Variants in IQGAP2 observed in about 807,000 individuals in gnomAD.
IQGAP2 encodes IQ motif containing GTPase activating protein 2.
IQGAP2 carries 173 observed loss-of-function variants against 201.3 expected under a neutral mutation model. The observed-to-expected ratio is 0.86, with a 90% CI of 0.76 to 0.98. IQGAP2 has a LOEUF of 0.98. Among genes scored for constraint, IQGAP2 ranks in the 50% least tolerant of loss-of-function variants. The pLI is 0.00. For missense variants in IQGAP2, 1,687 were observed against 1,864.8 expected (o/e 0.90, Z 1.76); for synonymous variants, 675 against 673.9 (o/e 1.00, Z -0.03).
intron 1 of IQGAP2, among the ~76,000 whole-genome samples, chr5:76,408,127 T>C (rs28386181): frequency 0.45 from 68,260 of 151,892 alleles, 15,852 homozygotes; most frequent in Admixed American, 0.5. Context: ...CGCCACTGCG[T>C]TCCAGCCTGG....
chr5:76,658,088 C>G (rs9293692), intron 20 of IQGAP2, among the ~76,000 whole-genome samples: 18,517 of 152,066 alleles, frequency 0.12, 1,428 homozygotes, highest in Middle Eastern at 0.23. Flanking sequence ...AGCTCAAGCA[C>G]AAGGTCTCAG....
At chr5:76,587,312 A>G (rs1746316020) in intron 5 of IQGAP2, among the ~76,000 whole-genome samples, 1 of 152,196 alleles carries the variant, frequency 6.6e-6, no homozygotes, top group African/African-American at 2.4e-5. Context: ...TCAAGCTGGC[A>G]ATTTTGTTTT....
chr5:76,477,333 C>G (rs1755493537), intron 2 of IQGAP2, among the ~76,000 whole-genome samples: 1 of 152,092 alleles, frequency 6.6e-6, no homozygotes, highest in African/African-American at 2.4e-5. Flanking sequence ...AGAGTGATAC[C>G]CTGTCTCAAA....
At chr5:76,641,663 G>A (rs1250229353) in intron 17 of IQGAP2, among the ~76,000 whole-genome samples, 1 of 152,122 alleles carries the variant, frequency 6.6e-6, no homozygotes, top group South Asian at 2.1e-4. Flanking sequence ...TGATTGGCAG[G>A]AGAATTTGCC....
At chr5:76,585,609 G>C (rs770332268) in intron 5 of IQGAP2, among the ~76,000 whole-genome samples, 6 of 151,698 alleles carry the variant, frequency 4.0e-5, no homozygotes, top group Non-Finnish European at 7.4e-5. Flanking sequence ...CCACCTCCTG[G>C]GTTCAAGCGA....
At position 76,652,750 on chromosome 5, in the gene IQGAP2, G is replaced by C. The variant is rs778711088; in HGVS notation, c.2095G>C (p.Ala699Pro). The C allele has an allele frequency of 6.2e-7, 1 of 1,605,204 alleles. No individual in the cohort carries two copies. Among genetic ancestry groups the C allele is most frequent in the Non-Finnish European group, 8.5e-7 (1 of 1,171,898 alleles). Residue 699 changes from alanine to proline, a missense_variant and splice_region_variant, in exon 18 of 36, where the codon GCT becomes CCT. By Grantham distance (27) the Ala-to-Pro change is conservative. Coordinates refer to ENST00000274364, the MANE Select transcript of IQGAP2 (RefSeq NM_006633.5). ...EQEENVVKIQAFWKGYKQRKE... is the reference protein window; with the variant it reads ...EQEENVVKIQPFWKGYKQRKE... ...TTCTATAACCCACTCTTTTCCTTAG[G>C]CTTTTTGGAAAGGATATAAACAACG...
intron 2 of IQGAP2, among the ~76,000 whole-genome samples, chr5:76,488,470 T>C (rs958498322): frequency 6.6e-6 from 1 of 152,224 alleles, no homozygotes; most frequent in Non-Finnish European, 1.5e-5. Flanking sequence ...GGATAAAATA[T>C]CAAGTTCCCT....
intron 14 of IQGAP2, among the ~76,000 whole-genome samples, chr5:76,628,181 T>G (rs1750409770): frequency 1.3e-5 from 2 of 152,218 alleles, no homozygotes; most frequent in Non-Finnish European, 2.9e-5. Context: ...ACCTATGGCC[T>G]TTTACCAGGG....
intron 1 of IQGAP2, among the ~76,000 whole-genome samples, chr5:76,460,030 C>G (rs1426644656): frequency 6.6e-6 from 1 of 152,144 alleles, no homozygotes; most frequent in Non-Finnish European, 1.5e-5. Context: ...TCTGTACGCG[C>G]AGAGTGCTAT....
chr5:76,666,602 A>G (rs253096), intron 22 of IQGAP2, among the ~76,000 whole-genome samples: 39,689 of 152,120 alleles, frequency 0.26, 5,696 homozygotes, highest in East Asian at 0.56. Context: ...GCAACCATTC[A>G]GTTGTATCAA....
intron 34 of IQGAP2, among the ~76,000 whole-genome samples, chr5:76,702,215 G>A (rs1747466660): frequency 6.6e-6 from 1 of 152,136 alleles, no homozygotes; most frequent in Non-Finnish European, 1.5e-5. Flanking sequence ...TGCTCTTGAA[G>A]AGCAAGGACC....
intron 13 of IQGAP2, among the ~76,000 whole-genome samples, chr5:76,619,691 T>A (rs2150360149): frequency 6.6e-6 from 1 of 152,150 alleles, no homozygotes; most frequent in African/African-American, 2.4e-5. Flanking sequence ...TAATTTTTTG[T>A]ATTTTTTTAG....
intron 28 of IQGAP2, among the ~76,000 whole-genome samples, chr5:76,678,533 G>A (rs1745026556): frequency 6.6e-6 from 1 of 152,062 alleles, no homozygotes; most frequent in Admixed American, 6.5e-5. Context: ...ACCATTTCAA[G>A]AATAGTTTCA....
chr5:76,477,598 T>C (rs1051728885), intron 2 of IQGAP2, among the ~76,000 whole-genome samples: 11 of 152,224 alleles, frequency 7.2e-5, no homozygotes, highest in African/African-American at 2.7e-4. Flanking sequence ...AATACTTATG[T>C]TACTGCTTTA....
chr5:76,403,644 C>A lies in IQGAP2; in HGVS notation c.46+53C>A. On this transcript the variant is annotated intron_variant, in intron 1 of 35. Transcript: ENST00000274364. The surrounding 1 kb of genome is among the most constrained non-coding windows in gnomAD (Gnocchi z 4.8). ...TGCTGGCCTTGGGGAGCTCCCTCCC[C>A]GAGGACGGCGTTGGAGAAGCCGAGG... 2 of 1,407,128 alleles carry A rather than the reference C, an allele frequency of 1.4e-6. No homozygotes were observed. The allele number at this position is 1,407,128 out of a possible 1,614,324, so 87.2% of individuals were successfully genotyped here. A position where few individuals can be genotyped will look rare whatever the true frequency, so the allele number is the denominator to read the frequency against.
intron 21 of IQGAP2, among the ~76,000 whole-genome samples, chr5:76,662,889 T>C (rs1042390667): frequency 6.6e-6 from 1 of 152,142 alleles, no homozygotes; most frequent in South Asian, 2.1e-4. Context: ...ATAAAAGCAA[T>C]TGGGGTGACA....
At chr5:76,411,622 C>T (rs115615544) in intron 1 of IQGAP2, among the ~76,000 whole-genome samples, 138 of 152,270 alleles carry the variant, frequency 9.1e-4, no homozygotes, top group African/African-American at 3.2e-3. Flanking sequence ...CTCTTTCACC[C>T]ATGCGATGCC....
intron 22 of IQGAP2, among the ~76,000 whole-genome samples, chr5:76,667,565 G>A (rs1366421339): frequency 2.0e-5 from 3 of 152,140 alleles, no homozygotes; most frequent in African/African-American, 7.2e-5. Flanking sequence ...ATGAAGGCTG[G>A]TTCTGTATCC....
chr5:76,687,926 C>T (rs545670849), intron 30 of IQGAP2, among the ~76,000 whole-genome samples: 14 of 152,080 alleles, frequency 9.2e-5, no homozygotes, highest in African/African-American at 2.2e-4. Context: ...ATCATCTTCC[C>T]GAAACCATCC....
Sources: gnomAD v4.1 joint callset for allele counts (sites outside exome capture counted in the v4.1 genomes callset) on GRCh38, gnomAD v4.1.1 for gene constraint, Gnocchi (gnomAD v3.1) non-coding constraint, MANE v1.5 for transcripts, NCBI Gene and HGNC (gene_info 2026-07-23, HGNC 2026-07-21) for gene names.